Variants in TTC6 observed in about 807,000 individuals in gnomAD.
The protein encoded by TTC6 is tetratricopeptide repeat domain 6.
In TTC6, 172 loss-of-function variants were observed where a neutral mutation model predicts 210.4. The ratio of observed to expected loss-of-function variants is 0.82; its 90% CI spans 0.72 to 0.93. The LOEUF is 0.93. TTC6 is among the 40% of genes least tolerant of loss of function. TTC6 has a pLI of 0.00. For synonymous variants in TTC6, 804 were observed against 819.6 expected (o/e 0.98, Z 0.32); for missense variants, 2,414 against 2,318.1 (o/e 1.04, Z -0.85).
chr14:37,714,154 T>C (rs541866989), intron 5 of TTC6, among the ~76,000 whole-genome samples: 62 of 152,302 alleles, frequency 4.1e-4, no homozygotes, highest in African/African-American at 1.4e-3. Flanking sequence ...TTTTGTTCCA[T>C]ATATATTCTC....
intron 7 of TTC6, among the ~76,000 whole-genome samples, chr14:37,731,752 A>T (rs995180443): frequency 6.6e-6 from 1 of 152,194 alleles, no homozygotes; most frequent in African/African-American, 2.4e-5. Flanking sequence ...CCTTCATTAA[A>T]TATTTGTTCC....
exon 11 of TTC6, chr14:37,749,094 G>C (rs76442677): frequency 6.5e-7 from 1 of 1,535,604 alleles, no homozygotes; most frequent in Admixed American, 2.0e-5. Flanking sequence ...ATTGATCCTC[G>C]GACATGGGCT....
chr14:37,775,405 C>G (rs1474922499), intron 14 of TTC6, among the ~76,000 whole-genome samples: 2 of 152,016 alleles, frequency 1.3e-5, no homozygotes, highest in African/African-American at 4.8e-5. Flanking sequence ...TAGCTGTATC[C>G]CAGAGATTCT....
In TTC6 at chr14:37,682,842, G is replaced by A. The variant is rs1365110716; in HGVS notation, c.1135G>A (p.Glu379Lys). Residue 379 changes from glutamate (E) to lysine (K), a missense_variant, in exon 3 of 31, where the codon GAA becomes AAA. By Grantham distance (56) the Glu-to-Lys change is moderately conservative (BLOSUM62 1). Coordinates refer to ENST00000553443, the Ensembl canonical transcript of TTC6. ...TATAGAATGGGGACCCTCAGAAGCAGAAAGCATAGTATTTAAACCTCAGGA... is the reference window on the plus strand; with the variant it reads ...TATAGAATGGGGACCCTCAGAAGCAAAAAGCATAGTATTTAAACCTCAGGA... The A allele has an allele frequency of 2.6e-6, 4 of 1,535,568 alleles. No individual in the cohort carries two copies. The South Asian group carries it at 4.8e-5, about 18-fold the overall frequency.
chr14:37,721,847 C>CATATATATATATATAT (rs35265224), intron 6 of TTC6, among the ~76,000 whole-genome samples: 1,521 of 117,118 alleles, frequency 0.013, 16 homozygotes, highest in Non-Finnish European at 0.022. Flanking sequence ...TGAGTTTCAC[C>CATATATATATATATAT]ATATATATAT....
chr14:37,754,153 G>A (rs912830680), intron 14 of TTC6, among the ~76,000 whole-genome samples: 12 of 152,046 alleles, frequency 7.9e-5, no homozygotes, highest in African/African-American at 2.9e-4. Context: ...CATGTGACAT[G>A]GTGGTTTGCT....
exon 17 of TTC6, chr14:37,792,316 G>A (rs1196917155): frequency 6.5e-7 from 1 of 1,532,112 alleles, no homozygotes; most frequent in Non-Finnish European, 8.7e-7. Context: ...GCTACACCTG[G>A]ATAACTACAC....
chr14:37,780,768 AT>A (rs1362136458), intron 14 of TTC6, among the ~76,000 whole-genome samples: 1 of 152,102 alleles, frequency 6.6e-6, no homozygotes, highest in African/African-American at 2.4e-5. Flanking sequence ...TCCTAATGTT[AT>A]CCTATCCCTA....
intron 1 of TTC6, among the ~76,000 whole-genome samples, chr14:37,600,252 G>T (rs533487105): frequency 6.6e-6 from 1 of 152,206 alleles, no homozygotes; most frequent in Non-Finnish European, 1.5e-5. Flanking sequence ...TGCTGCTCCT[G>T]TGTGCAAGAG....
chr14:37,706,934 G>T (rs1197783072), intron 5 of TTC6, among the ~76,000 whole-genome samples: 2 of 151,630 alleles, frequency 1.3e-5, no homozygotes, highest in African/African-American at 4.8e-5. Context: ...AATAGGTTGG[G>T]TCACCCCATA....
chr14:37,784,609 T>G (rs2096063404), intron 14 of TTC6, among the ~76,000 whole-genome samples: 1 of 152,216 alleles, frequency 6.6e-6, no homozygotes, highest in Non-Finnish European at 1.5e-5. Context: ...TTGGAGCATT[T>G]AGCCCATTTA....
chr14:37,787,916 TG>T (rs2096071683), intron 15 of TTC6, among the ~76,000 whole-genome samples: 3 of 151,558 alleles, frequency 2.0e-5, no homozygotes, highest in Admixed American at 2.0e-4. Flanking sequence ...TGTGTGTGTG[TG>T]TGTGTGTTAA....
chr14:37,734,706 AT>A (rs901029714), intron 7 of TTC6, among the ~76,000 whole-genome samples: 29 of 149,970 alleles, frequency 1.9e-4, no homozygotes, highest in Admixed American at 6.0e-4. Context: ...GAGTAGGAGG[AT>A]TTTTTTTTTC....
intron 7 of TTC6, among the ~76,000 whole-genome samples, chr14:37,725,312 G>GTA (rs1169644241): frequency 0.011 from 368 of 33,816 alleles, 3 homozygotes; most frequent in East Asian, 0.044. Flanking sequence ...GTGTGTGTGT[G>GTA]TATATATATA....
At chr14:37,647,801 G>C (rs2095704307) in intron 1 of TTC6, among the ~76,000 whole-genome samples, 1 of 152,074 alleles carries the variant, frequency 6.6e-6, no homozygotes. Context: ...AGGGCTCAAG[G>C]ACATGCCACT....
exon 1 of TTC6, chr14:37,622,279 C>A (rs896392930): frequency 2.6e-4 from 405 of 1,534,960 alleles, no homozygotes; most frequent in Non-Finnish European, 3.4e-4. Flanking sequence ...GCAGCCCGGA[C>A]GTCGAGAAGA....
intron 3 of TTC6, among the ~76,000 whole-genome samples, chr14:37,696,216 T>G (rs1015614514): frequency 1.3e-5 from 2 of 152,178 alleles, no homozygotes; most frequent in African/African-American, 4.8e-5. Context: ...CTCCCTGATT[T>G]CTTCCTTAAA....
chr14:37,765,964 T>G (rs2095997978), intron 14 of TTC6, among the ~76,000 whole-genome samples: 1 of 152,164 alleles, frequency 6.6e-6, no homozygotes, highest in Non-Finnish European at 1.5e-5. Flanking sequence ...CTTTCAATAT[T>G]CTCTCCCACA....
intron 14 of TTC6, among the ~76,000 whole-genome samples, chr14:37,764,324 T>C (rs2095992497): frequency 6.6e-6 from 1 of 152,164 alleles, no homozygotes; most frequent in African/African-American, 2.4e-5. Context: ...CTCTGTTTCA[T>C]TGTTGAACTT....
Sources: gnomAD v4.1 joint callset for allele counts (sites outside exome capture counted in the v4.1 genomes callset) on GRCh38, gnomAD v4.1.1 for gene constraint, MANE v1.5 for transcripts, NCBI Gene and HGNC (gene_info 2026-07-23, HGNC 2026-07-21) for gene names.